PCYT1A: variants seen among roughly 807,000 people sequenced by gnomAD.
PCYT1A encodes the protein choline-phosphate cytidylyltransferase A.
A neutral mutation model predicts 43.7 loss-of-function variants in PCYT1A; 25 were observed. The observed-to-expected ratio is 0.57, with a 90% confidence interval of 0.42 to 0.80. PCYT1A has a LOEUF of 0.80. Ranked by LOEUF, PCYT1A falls within the 30% of genes least tolerant of loss-of-function variation. PCYT1A has a pLI of 0.00. For missense variants in PCYT1A, 421 were observed against 474.2 expected, an observed-to-expected ratio of 0.89 and a Z score of 1.04; for synonymous variants, 172 against 170.7, an observed-to-expected ratio of 1.01 and a Z score of -0.06.
intron 5 of PCYT1A, among the ~76,000 whole-genome samples, chr3:196,244,868 T>G (rs1724508142): frequency 6.6e-6 from 1 of 152,036 alleles, no homozygotes; most frequent in African/African-American, 2.4e-5. Flanking sequence ...AAGATGTGCT[T>G]TGTTAAACAG....
At chr3:196,274,336 C>A (rs1002076012) in intron 1 of PCYT1A, among the ~76,000 whole-genome samples, 4 of 152,228 alleles carry the variant, frequency 2.6e-5, no homozygotes, top group Non-Finnish European at 5.9e-5. Context: ...CTCCATGGAG[C>A]GTGCAGCACA....
In PCYT1A at chr3:196,265,616, T is replaced by C. The variant is rs552978340; in HGVS notation, c.117+4799A>G. On this transcript the variant is annotated intron_variant, in intron 2 of 8. Transcript: ENST00000431016. ...TTCCTTTCTTTACATGCAAGGAAAG[T>C]ACTTTTTCTAAAGCTAATGAGCTCC... 7.2e-5 allele frequency among the ~76,000 whole-genome samples: 11 copies of C among 152,240 alleles called. No homozygotes were observed. The East Asian group carries it at 2.1e-3, about 30-fold the overall frequency.
chr3:196,269,038 C>G (rs1446183868), intron 2 of PCYT1A, among the ~76,000 whole-genome samples: 1 of 152,198 alleles, frequency 6.6e-6, no homozygotes, highest in African/African-American at 2.4e-5. Flanking sequence ...CCTCTAGAAG[C>G]TGGAAAAGGC....
At chr3:196,248,134 C>G in intron 4 of PCYT1A, 73 bp downstream of exon 4, 1 of 848,526 alleles carries the variant, frequency 1.2e-6, no homozygotes, top group Non-Finnish European at 2.1e-6. Flanking sequence ...AGCCAGTGTA[C>G]TCAGCTGAGA....
chr3:196,256,019 C>A (rs1386479022), intron 3 of PCYT1A, among the ~76,000 whole-genome samples: 1 of 152,098 alleles, frequency 6.6e-6, no homozygotes, highest in Non-Finnish European at 1.5e-5. Context: ...TACCTATTAC[C>A]CAAATAAGGG....
At chr3:196,275,190 T>G (rs1725548824) in intron 1 of PCYT1A, among the ~76,000 whole-genome samples, 1 of 152,232 alleles carries the variant, frequency 6.6e-6, no homozygotes, top group Admixed American at 6.5e-5. Flanking sequence ...TATCAGGCAG[T>G]CAAAAATATG....
chr3:196,262,929 G>A (rs563366769), intron 2 of PCYT1A, among the ~76,000 whole-genome samples: 4 of 151,796 alleles, frequency 2.6e-5, no homozygotes, highest in Non-Finnish European at 5.9e-5. Context: ...CGAGTAGCTG[G>A]GATTACAGGC....
In PCYT1A at chr3:196,273,139, C is replaced by T. The variant is rs760269212; in HGVS notation, c.-10-2598G>A. Among the ~76,000 whole-genome samples, 68 of 152,352 alleles carry T rather than the reference C, an allele frequency of 4.5e-4. No individual in the cohort carries two copies. The highest frequency in any genetic ancestry group is 8.3e-4 in the South Asian group (4 of 4,830). On this transcript the variant is annotated intron_variant, in intron 1 of 8. Transcript: ENST00000431016. The surrounding 1 kb of genome is among the most constrained non-coding windows in gnomAD (Gnocchi z 4.1). ...GCAGCTGAACCAGGCGTACTACAAG[C>T]AGCTTCCACTGCAGGCACTGGGGAA...
chr3:196,243,564 T>C (rs7648600), intron 5 of PCYT1A, among the ~76,000 whole-genome samples: 19,073 of 151,610 alleles, frequency 0.13, 1,300 homozygotes, highest in South Asian at 0.26. Flanking sequence ...TCTCTTTCTA[T>C]GGTCTCCCTC....
At chr3:196,272,186 T>TC (rs1398643853) in intron 1 of PCYT1A, among the ~76,000 whole-genome samples, 1 of 81,064 alleles carries the variant, frequency 1.2e-5, no homozygotes, top group East Asian at 6.6e-4. Flanking sequence ...TCTCCTTCTT[T>TC]CCTTTTTTTT....
chr3:196,239,795 G>A (rs1724295996), intron 7 of PCYT1A, 60 bp from the exon 8 acceptor site: 3 of 1,189,348 alleles, frequency 2.5e-6, no homozygotes, highest in Admixed American at 1.9e-5. Context: ...TCTACCATAA[G>A]AGAACGAAAA....
At chr3:196,279,850 T>G (rs1725704409) in intron 1 of PCYT1A, among the ~76,000 whole-genome samples, 1 of 146,548 alleles carries the variant, frequency 6.8e-6, no homozygotes, top group African/African-American at 2.6e-5. Flanking sequence ...TTTTTTTTTT[T>G]TGAGACAGAG....
chr3:196,276,020 C>A (rs1423784936), intron 1 of PCYT1A, among the ~76,000 whole-genome samples: 1 of 151,128 alleles, frequency 6.6e-6, no homozygotes, highest in East Asian at 1.9e-4. Context: ...TGGTGTGAAC[C>A]CGGGAGGCAG....
At chr3:196,244,052 C>T (rs1215027379) in intron 5 of PCYT1A, among the ~76,000 whole-genome samples, 4 of 149,788 alleles carry the variant, frequency 2.7e-5, no homozygotes, top group Admixed American at 1.3e-4. Flanking sequence ...AAGTGAGGAG[C>T]GCCTCTTCCC....
intron 3 of PCYT1A, among the ~76,000 whole-genome samples, chr3:196,255,163 A>T (rs1724917007): frequency 6.6e-6 from 1 of 152,218 alleles, no homozygotes; most frequent in African/African-American, 2.4e-5. Context: ...GATTTAACAT[A>T]AAACAGTCAG....
chr3:196,241,647 AAG>A (rs1010824143), intron 7 of PCYT1A: 4 of 1,351,758 alleles, frequency 3.0e-6, no homozygotes, highest in Admixed American at 4.4e-5. Flanking sequence ...CCAACCGAAG[AAG>A]AGAGAGGAAG....
At chr3:196,251,710 G>A (rs551446904) in intron 3 of PCYT1A, 1 of 152,298 alleles carries the variant, frequency 6.6e-6, no homozygotes, top group South Asian at 2.1e-4. Context: ...TTCAACGGAA[G>A]ATTGAATATA....
At chr3:196,276,700 T>C (rs1250308934) in intron 1 of PCYT1A, among the ~76,000 whole-genome samples, 1 of 151,892 alleles carries the variant, frequency 6.6e-6, no homozygotes, top group Non-Finnish European at 1.5e-5. Context: ...ACCTCAAAAA[T>C]GCTTATGATA....
chr3:196,239,984 A>G, intron 7 of PCYT1A: 3 of 450,578 alleles, frequency 6.7e-6, no homozygotes, highest in Middle Eastern at 6.0e-4. Flanking sequence ...ATACCCAGTA[A>G]CAGGCACGTA....
Sources: allele counts gnomAD v4.1 joint callset (sites outside exome capture counted in the v4.1 genomes callset), GRCh38; gene constraint gnomAD v4.1.1; non-coding constraint Gnocchi (gnomAD v3.1); transcripts MANE v1.5; gene names NCBI Gene and HGNC (gene_info 2026-07-23, HGNC 2026-07-21).